The following C6orf120 variants were observed in gnomAD, a reference collection of about 807,000 sequenced individuals.
The protein encoded by C6orf120 is UPF0669 protein C6orf120.
For synonymous variants in C6orf120, 165 were observed against 123.1 expected, an observed-to-expected ratio of 1.34 and a Z score of -2.25; for missense variants, 311 against 264.2, an observed-to-expected ratio of 1.18 and a Z score of -1.23.
chr6:169,702,650 A>T, exon 1 of C6orf120: 1 of 1,613,434 alleles, frequency 6.2e-7, no homozygotes, highest in Non-Finnish European at 8.5e-7. Flanking sequence ...CACGAGGGCA[A>T]GATAGTCCTC....
exon 1 of C6orf120, chr6:169,702,598 G>T: frequency 6.2e-7 from 1 of 1,613,316 alleles, no homozygotes; most frequent in South Asian, 1.1e-5. Context: ...CGTCGTCCAG[G>T]GCCAGATAGG....
downstream of C6orf120, chr6:169,705,374 A>G: frequency 7.9e-7 from 1 of 1,261,444 alleles, no homozygotes. Flanking sequence ...TTAACTTAAT[A>G]TGGCACATAA....
At chr6:169,705,828 G>T, downstream of C6orf120, 1 of 699,150 alleles carries the variant, frequency 1.4e-6, no homozygotes, top group Admixed American at 2.2e-5. Flanking sequence ...TTGGTAACTT[G>T]CTAATGAGGA....
At chr6:169,705,642 A>G (rs759984393), downstream of C6orf120, 24 of 1,527,950 alleles carry the variant, frequency 1.6e-5, no homozygotes, top group East Asian at 4.5e-5. Flanking sequence ...GGAGCAGTGT[A>G]TAAGTGATTC....
chr6:169,702,216 A>G, exon 1 of C6orf120: 1 of 684,432 alleles, frequency 1.5e-6, no homozygotes, highest in South Asian at 1.5e-5. Context: ...AGGGTGCCAC[A>G]GCGGCCCTGC....
chr6:169,703,744 G>C (rs1015358149), exon 1 of C6orf120: 1 of 454,922 alleles, frequency 2.2e-6, no homozygotes, highest in Non-Finnish European at 3.9e-6. Context: ...GGGCTATGGA[G>C]AAACAGTTAA....
At chr6:169,704,750 C>CT (rs1788714043) in exon 1 of C6orf120, 1 of 176,150 alleles carries the variant, frequency 5.7e-6, no homozygotes, top group African/African-American at 2.4e-5. Flanking sequence ...AATTGTCATG[C>CT]TGCCTCAATT....
chr6:169,703,387 T>C (rs1022447050), exon 1 of C6orf120: 1 of 269,188 alleles, frequency 3.7e-6, no homozygotes, highest in African/African-American at 2.2e-5. Flanking sequence ...GTAATTTTAC[T>C]CTGGAGATTC....
chr6:169,705,854 A>C, downstream of C6orf120: 1 of 641,532 alleles, frequency 1.6e-6, no homozygotes, highest in South Asian at 1.8e-5. Context: ...TTGAAAGACA[A>C]AACTTGACAG....
chr6:169,702,371 G>T, exon 1 of C6orf120: 1 of 805,852 alleles, frequency 1.2e-6, no homozygotes, highest in South Asian at 1.8e-5. Flanking sequence ...CCCGCGTGCG[G>T]ACGGCGGGGA....
At chr6:169,703,088 A>C (rs1331039439) in exon 1 of C6orf120, 3 of 1,506,796 alleles carry the variant, frequency 2.0e-6, no homozygotes, top group Non-Finnish European at 2.7e-6. Context: ...AGCTGATTGC[A>C]GTTTGCTGTG....
At chr6:169,703,392 A>G in exon 1 of C6orf120, 1 of 265,304 alleles carries the variant, frequency 3.8e-6, no homozygotes, top group Non-Finnish European at 7.7e-6. Flanking sequence ...TTTACTCTGG[A>G]GATTCTAACC....
chr6:169,702,584 T>A, exon 1 of C6orf120: 1 of 1,613,216 alleles, frequency 6.2e-7, no homozygotes, highest in East Asian at 2.2e-5. Context: ...TGGGTGCTCC[T>A]GCACGTCGTC....
At chr6:169,702,601 C>G in exon 1 of C6orf120, 1 of 1,613,300 alleles carries the variant, frequency 6.2e-7, no homozygotes, top group Non-Finnish European at 8.5e-7. Flanking sequence ...CGTCCAGGGC[C>G]AGATAGGCGC....
At chr6:169,703,988 G>A (rs1788662085) in exon 1 of C6orf120, 1 of 1,576,408 alleles carries the variant, frequency 6.3e-7, no homozygotes, top group Non-Finnish European at 8.6e-7. Flanking sequence ...TACAGTATTA[G>A]AGTCAAAAAC....
At chr6:169,703,064 C>T (rs1788507509) in exon 1 of C6orf120, 10 of 1,532,594 alleles carry the variant, frequency 6.5e-6, no homozygotes, top group South Asian at 1.2e-5. Flanking sequence ...GGATATAAAA[C>T]CCTCCATCTG....
At chr6:169,702,560 A>AGGT in exon 1 of C6orf120, 1 of 1,612,790 alleles carries the variant, frequency 6.2e-7, no homozygotes. Context: ...GACGAGGAGG[A>AGGT]GGTCCCCGAG....
chr6:169,705,028 G>C, downstream of C6orf120: 1 of 754,132 alleles, frequency 1.3e-6, no homozygotes, highest in Non-Finnish European at 2.1e-6. Context: ...TTGCACATAA[G>C]AGTCCACAAG....
chr6:169,705,442 G>A, downstream of C6orf120: 1 of 745,878 alleles, frequency 1.3e-6, no homozygotes, highest in Non-Finnish European at 2.2e-6. Context: ...TCGCCAAAGA[G>A]AAATGAATAT....
Sources: allele counts gnomAD v4.1 joint callset, GRCh38; gene constraint gnomAD v4.1.1; transcripts MANE v1.5; gene names NCBI Gene and HGNC (gene_info 2026-07-23, HGNC 2026-07-21).